ERC1: variants seen among roughly 807,000 people sequenced by gnomAD.
ERC1 encodes the protein RAB6 interacting protein 2.
A neutral mutation model predicts 132.0 loss-of-function variants in ERC1; 56 were observed. The observed-to-expected ratio is 0.42, with a 90% confidence interval of 0.34 to 0.53. The LOEUF (loss-of-function observed/expected upper bound fraction) is 0.53, where lower values mean the gene tolerates loss of function less well. Ranked by LOEUF, ERC1 falls within the 20% of genes least tolerant of loss-of-function variation. The probability of loss-of-function intolerance (pLI) is 0.03; values close to 1 mark genes in which losing one functional copy is unlikely to be tolerated. For synonymous variants in ERC1, 478 were observed against 476.1 expected (o/e 1.00, Z -0.05); for missense variants, 1,202 against 1,349.9 (o/e 0.89, Z 1.72).
At chr12:1,174,656 T>G (rs1300317719) in intron 8 of ERC1, among the ~76,000 whole-genome samples, 1 of 152,230 alleles carries the variant, frequency 6.6e-6, no homozygotes, top group Non-Finnish European at 1.5e-5. Context: ...TTATCCTTAT[T>G]ATGCATGTAA....
intron 12 of ERC1, among the ~76,000 whole-genome samples, chr12:1,202,609 A>G (rs559803606): frequency 1.3e-5 from 2 of 152,250 alleles, no homozygotes; most frequent in South Asian, 2.1e-4. Flanking sequence ...GTGAGCCAAG[A>G]TTGCGCCACT....
intron 8 of ERC1, among the ~76,000 whole-genome samples, chr12:1,144,634 ACG>A (rs1491328879): frequency 3.7e-4 from 54 of 147,020 alleles, no homozygotes; most frequent in African/African-American, 1.3e-3. Flanking sequence ...ATATATATAT[ACG>A]TGTATATATA....
chr12:1,402,260 G>A (rs2091132117), intron 16 of ERC1, among the ~76,000 whole-genome samples: 1 of 152,336 alleles, frequency 6.6e-6, no homozygotes, highest in Non-Finnish European at 1.5e-5. Context: ...GCTGGGCACG[G>A]TGGCTCACGC....
rs1344399206 is a variant in ERC1, at chr12:1,121,763, A to ATCTATCTCTATC, written c.1569+5738_1569+5749dup. 5.6e-4 allele frequency among the ~76,000 whole-genome samples: 3 copies of ATCTATCTCTATC among 5,396 alleles called. 1 individual carries two copies. Among genetic ancestry groups the ATCTATCTCTATC allele is most frequent in the Admixed American group, 4.8e-3 (2 of 418 alleles). The allele number at this position is 5,396 out of a possible 152,430, so 3.5% of individuals were successfully genotyped here. A position where few individuals can be genotyped will look rare whatever the true frequency, so the allele number is the denominator to read the frequency against. On this transcript the variant is annotated intron_variant, in intron 7 of 18. Transcript: ENST00000360905. ...TCTATCTATCTCTATCTCTATCTCT[A>ATCTATCTCTATC]TCTATCTCTATCTCTATCTATCTCT...
In ERC1 at chr12:1,492,319, A is replaced by G. The variant is rs1162238522; in HGVS notation, c.*2089A>G. The G allele has an allele frequency of 4.3e-6, 1 of 233,174 alleles. No individual in the cohort carries two copies. Among genetic ancestry groups the G allele is most frequent in the African/African-American group, 2.2e-5 (1 of 45,358 alleles). The allele number at this position is 233,174 out of a possible 1,614,324, so 14.4% of individuals were successfully genotyped here. On this transcript the variant is annotated 3_prime_UTR_variant, in exon 19 of 19. Coordinates refer to ENST00000360905, the MANE Select transcript of ERC1 (RefSeq NM_178040.4). ...GTAAACCATGTAGAAAGCTCCCAGCACTGAAAGGCAGGAGTGTTAGCATCT... is the reference window on the plus strand; with the variant it reads ...GTAAACCATGTAGAAAGCTCCCAGCGCTGAAAGGCAGGAGTGTTAGCATCT...
chr12:1,241,273 T>G (rs1459471696), intron 13 of ERC1, among the ~76,000 whole-genome samples: 1 of 152,184 alleles, frequency 6.6e-6, no homozygotes, highest in African/African-American at 2.4e-5. Context: ...ACACTGTCCG[T>G]TTTTCACATG....
chr12:1,063,790 T>C (rs998605440), intron 2 of ERC1, among the ~76,000 whole-genome samples: 1 of 152,208 alleles, frequency 6.6e-6, no homozygotes, highest in African/African-American at 2.4e-5. Context: ...TTTCCTCTCA[T>C]TGTTTATCCT....
chr12:1,395,332 C>G (rs2090437272), intron 16 of ERC1, among the ~76,000 whole-genome samples: 1 of 151,786 alleles, frequency 6.6e-6, no homozygotes, highest in South Asian at 2.1e-4. Context: ...CCAGAATGTA[C>G]CATAATTATA....
chr12:1,270,870 A>G (rs1312193512), intron 14 of ERC1, among the ~76,000 whole-genome samples: 2 of 152,042 alleles, frequency 1.3e-5, no homozygotes, highest in African/African-American at 4.8e-5. Flanking sequence ...ATAAAATTCT[A>G]AGGAGAAGTA....
At chr12:1,052,065 T>G (rs571793201) in intron 2 of ERC1, among the ~76,000 whole-genome samples, 17 of 152,110 alleles carry the variant, frequency 1.1e-4, no homozygotes, top group African/African-American at 4.1e-4. Flanking sequence ...GCTTTTAAAT[T>G]GTCAGCTAGT....
At chr12:1,180,711 T>C (rs1395929712) in intron 9 of ERC1, 34 bp downstream of exon 9, 2 of 1,612,444 alleles carry the variant, frequency 1.2e-6, no homozygotes, top group African/African-American at 2.7e-5. Context: ...CACACACGTT[T>C]TCTGCTTTCT....
intron 17 of ERC1, among the ~76,000 whole-genome samples, chr12:1,438,561 G>A (rs891824222): frequency 6.6e-6 from 1 of 152,192 alleles, no homozygotes; most frequent in African/African-American, 2.4e-5. Context: ...TCAGGGCTCT[G>A]AGCTAGCCAC....
chr12:1,448,649 T>G (rs2093359776), intron 18 of ERC1, among the ~76,000 whole-genome samples: 1 of 152,228 alleles, frequency 6.6e-6, no homozygotes, highest in Non-Finnish European at 1.5e-5. Flanking sequence ...ATTTTTCACC[T>G]CATATCTCCA....
At chr12:1,372,294 A>G (rs1452649471) in intron 16 of ERC1, among the ~76,000 whole-genome samples, 1 of 152,078 alleles carries the variant, frequency 6.6e-6, no homozygotes, top group East Asian at 1.9e-4. Context: ...TTTTTTAAAC[A>G]TCCAGCAAGA....
intron 14 of ERC1, among the ~76,000 whole-genome samples, chr12:1,284,168 C>T (rs1160491321): frequency 1.3e-5 from 2 of 152,124 alleles, no homozygotes. Context: ...ATCTGTCTTT[C>T]CGTGCCTGGC....
intron 1 of ERC1, among the ~76,000 whole-genome samples, chr12:995,824 G>A (rs1960719698): frequency 2.0e-5 from 3 of 152,140 alleles, no homozygotes. Context: ...GGGAAATCAA[G>A]AGGAACCAGT....
intron 12 of ERC1, among the ~76,000 whole-genome samples, chr12:1,193,289 G>T (rs1468433175): frequency 6.6e-6 from 1 of 152,090 alleles, no homozygotes; most frequent in African/African-American, 2.4e-5. Flanking sequence ...ATTTTAAAAA[G>T]AAGATTGGAT....
intron 7 of ERC1, among the ~76,000 whole-genome samples, chr12:1,139,421 A>T (rs570875919): frequency 3.3e-5 from 5 of 152,280 alleles, no homozygotes; most frequent in Non-Finnish European, 7.4e-5. Flanking sequence ...ATATTGTTAC[A>T]ATTGTTCTAT....
At chr12:1,290,821 G>T (rs929267916) in intron 15 of ERC1, among the ~76,000 whole-genome samples, 1 of 152,018 alleles carries the variant, frequency 6.6e-6, no homozygotes, top group Non-Finnish European at 1.5e-5. Flanking sequence ...CTTCTTTTCT[G>T]TCTCAGAGAA....
Sources: allele counts gnomAD v4.1 joint callset (sites outside exome capture counted in the v4.1 genomes callset), GRCh38; gene constraint gnomAD v4.1.1; transcripts MANE v1.5; gene names NCBI Gene and HGNC (gene_info 2026-07-23, HGNC 2026-07-21).